NFIA: variants seen among roughly 807,000 people sequenced by gnomAD.
NFIA encodes nuclear factor 1 A-type.
A neutral mutation model predicts 62.8 loss-of-function variants in NFIA; 8 were observed. That is an observed-to-expected ratio of 0.13 (90% CI 0.07 to 0.23). NFIA has a LOEUF of 0.23. Ranked by LOEUF, NFIA falls within the 10% of genes least tolerant of loss-of-function variation. The pLI is 1.00. For missense variants in NFIA, 410 were observed against 642.1 expected, an observed-to-expected ratio of 0.64 and a Z score of 3.91; for synonymous variants, 235 against 238.1, an observed-to-expected ratio of 0.99 and a Z score of 0.12.
intron 9 of NFIA, among the ~76,000 whole-genome samples, chr1:61,408,134 A>C (rs1002835302): frequency 6.6e-6 from 1 of 152,214 alleles, no homozygotes; most frequent in African/African-American, 2.4e-5. Flanking sequence ...AGCACTGTGC[A>C]TAGATTCTGT....
At chr1:61,220,830 TAGTA>T (rs1439116457) in intron 2 of NFIA, among the ~76,000 whole-genome samples, 1 of 152,226 alleles carries the variant, frequency 6.6e-6, no homozygotes, top group East Asian at 1.9e-4. Flanking sequence ...ATGCATGGGT[TAGTA>T]AGTATATTTG....
chr1:61,458,084 G>A lies in NFIA; in HGVS notation c.*2764G>A, dbSNP rs755859759. On this transcript the variant is annotated 3_prime_UTR_variant, in exon 11 of 11. Transcript: ENST00000403491. ...TAGTCGTTTGGCGCTGTTGTATGGT[G>A]TGATTGTCAGTGTATGGTGTCACTT... is the stretch of plus-strand genomic sequence containing the variant. 5.3e-5 allele frequency: 8 copies of A among 151,856 alleles called. No homozygotes were observed. Among genetic ancestry groups the A allele is most frequent in the Admixed American group, 4.6e-4 (7 of 15,230 alleles). The allele number at this position is 151,856 out of a possible 1,614,324, so 9.4% of individuals were successfully genotyped here.
chr1:61,156,311 A>G (rs1217365057), intron 2 of NFIA, among the ~76,000 whole-genome samples: 1 of 152,166 alleles, frequency 6.6e-6, no homozygotes, highest in Non-Finnish European at 1.5e-5. Context: ...TTTAATTTGT[A>G]CTGTCACTGG....
At chr1:61,421,964 TAAAG>T (rs1419963985) in intron 9 of NFIA, among the ~76,000 whole-genome samples, 1 of 152,204 alleles carries the variant, frequency 6.6e-6, no homozygotes, top group Non-Finnish European at 1.5e-5. Context: ...ATTTTTATCT[TAAAG>T]AAACATCAAC....
intron 2 of NFIA, among the ~76,000 whole-genome samples, chr1:61,274,814 T>C (rs1040161033): frequency 1.2e-4 from 19 of 152,230 alleles, no homozygotes; most frequent in African/African-American, 4.6e-4. Flanking sequence ...TCTGGTTGGC[T>C]CCACACTTAA....
chr1:61,252,046 T>C (rs144879268), intron 2 of NFIA, among the ~76,000 whole-genome samples: 60 of 152,318 alleles, frequency 3.9e-4, no homozygotes, highest in African/African-American at 1.4e-3. Flanking sequence ...TATACCAGAA[T>C]GCTGGGAAAG....
intron 2 of NFIA, among the ~76,000 whole-genome samples, chr1:61,118,685 T>C (rs1466113492): frequency 1.3e-5 from 2 of 150,946 alleles, no homozygotes; most frequent in East Asian, 1.9e-4. Context: ...TGTGTGTGTG[T>C]GTGTGTGTGT....
chr1:61,264,497 G>A (rs1032866197), intron 2 of NFIA, among the ~76,000 whole-genome samples: 3 of 150,926 alleles, frequency 2.0e-5, no homozygotes, highest in African/African-American at 7.3e-5. Flanking sequence ...ATACAAAAAA[G>A]AAAAAGAGCT....
chr1:61,441,329 GTGTGTC>G (rs1296477290), intron 10 of NFIA, among the ~76,000 whole-genome samples: 62 of 146,494 alleles, frequency 4.2e-4, no homozygotes, highest in Non-Finnish European at 7.7e-4. Flanking sequence ...GTGTGTGTGT[GTGTGTC>G]TGTCTGTCTG....
At chr1:61,297,339 T>G (rs1320348964) in intron 3 of NFIA, among the ~76,000 whole-genome samples, 2 of 152,162 alleles carry the variant, frequency 1.3e-5, no homozygotes, top group Non-Finnish European at 2.9e-5. Context: ...GCCATTAACC[T>G]TAGCAGGGCT....
intron 2 of NFIA, among the ~76,000 whole-genome samples, chr1:61,218,480 G>C (rs1653790022): frequency 6.6e-6 from 1 of 152,128 alleles, no homozygotes; most frequent in Non-Finnish European, 1.5e-5. Flanking sequence ...ATGCCAGTGG[G>C]TTCTGTATCC....
chr1:61,128,644 CAAAGTA>C (rs1647017381), intron 2 of NFIA, among the ~76,000 whole-genome samples: 1 of 151,916 alleles, frequency 6.6e-6, no homozygotes, highest in African/African-American at 2.4e-5. Flanking sequence ...AAAATGTAGC[CAAAGTA>C]AAAGTGTTGA....
intron 2 of NFIA, among the ~76,000 whole-genome samples, chr1:61,145,374 G>A (rs1425825274): frequency 6.6e-6 from 1 of 152,122 alleles, no homozygotes; most frequent in African/African-American, 2.4e-5. Context: ...AATCTGTAGG[G>A]TCTGGTTGGT....
At chr1:61,340,844 T>C (rs1304181771) in intron 4 of NFIA, among the ~76,000 whole-genome samples, 1 of 152,192 alleles carries the variant, frequency 6.6e-6, no homozygotes, top group Non-Finnish European at 1.5e-5. Context: ...ATAGTAGACC[T>C]CATTCCTCTG....
At chr1:61,148,522 C>T (rs913632252) in intron 2 of NFIA, among the ~76,000 whole-genome samples, 1 of 152,156 alleles carries the variant, frequency 6.6e-6, no homozygotes, top group Non-Finnish European at 1.5e-5. Flanking sequence ...TCTATGATAA[C>T]ATATCTCTTT....
chr1:61,210,871 G>A (rs1454777022), intron 2 of NFIA, among the ~76,000 whole-genome samples: 1 of 152,138 alleles, frequency 6.6e-6, no homozygotes, highest in African/African-American at 2.4e-5. Context: ...AGAGAAGAGC[G>A]TAATATTCTT....
intron 2 of NFIA, among the ~76,000 whole-genome samples, chr1:61,257,870 TTTTTTTC>T (rs1208747464): frequency 2.5e-5 from 3 of 121,918 alleles, no homozygotes; most frequent in African/African-American, 6.0e-5. Context: ...TGTTTTTTTT[TTTTTTTC>T]TTTTTTTCTT....
At chr1:61,126,472 A>ACACACT (rs1418105298) in intron 2 of NFIA, among the ~76,000 whole-genome samples, 1 of 150,762 alleles carries the variant, frequency 6.6e-6, no homozygotes, top group Non-Finnish European at 1.5e-5. Context: ...ACACACACAC[A>ACACACT]CACTCACAGA....
intron 2 of NFIA, among the ~76,000 whole-genome samples, chr1:61,207,976 T>C (rs992368444): frequency 1.5e-5 from 2 of 137,164 alleles, no homozygotes; most frequent in Non-Finnish European, 3.1e-5. Flanking sequence ...CACTGAACCT[T>C]TTTTTTTTTT....
Sources: gnomAD v4.1 joint callset for allele counts (sites outside exome capture counted in the v4.1 genomes callset) on GRCh38, gnomAD v4.1.1 for gene constraint, MANE v1.5 for transcripts, NCBI Gene and HGNC (gene_info 2026-07-23, HGNC 2026-07-21) for gene names.